The following TNR variants were observed in gnomAD, a reference collection of about 807,000 sequenced individuals.
TNR encodes tenascin R.
A neutral mutation model predicts 150.4 loss-of-function variants in TNR; 45 were observed. The ratio of observed to expected loss-of-function variants is 0.30; its 90% CI spans 0.24 to 0.38. The LOEUF (loss-of-function observed/expected upper bound fraction) is 0.38, where lower values mean the gene tolerates loss of function less well. Among genes scored for constraint, TNR ranks in the 10% least tolerant of loss-of-function variants. TNR has a pLI of 1.00. For missense variants in TNR, 1,544 were observed against 1,759.1 expected (o/e 0.88, Z 2.19); for synonymous variants, 687 against 678.4 (o/e 1.01, Z -0.20).
chr1:175,541,801 C>G (rs1660510184), intron 1 of TNR, among the ~76,000 whole-genome samples: 1 of 152,126 alleles, frequency 6.6e-6, no homozygotes, highest in Non-Finnish European at 1.5e-5. Context: ...CTCTATGAAA[C>G]TGGTAAAGTC....
intron 1 of TNR, among the ~76,000 whole-genome samples, chr1:175,559,116 C>T (rs1661310352): frequency 6.6e-6 from 1 of 152,122 alleles, no homozygotes; most frequent in Non-Finnish European, 1.5e-5. Flanking sequence ...AAAAATTTCA[C>T]TATACAAACA....
rs1039477064 is a variant in TNR at position 175,337,412 on chromosome 1, G to C, written c.3534+116C>G. The stretch of plus-strand genomic sequence containing the variant: ...ATGAGGAGCCCCAAGATGGACATGT[G>C]GGGGGTGATAAAAGGATGGCCAGGA... On this transcript the variant is annotated intron_variant, in intron 19 of 22. Coordinates refer to ENST00000367674, the MANE Select transcript of TNR (RefSeq NM_003285.3). 4.1e-5 allele frequency: 50 copies of C among 1,231,276 alleles called. No individual in the cohort carries two copies. The African/African-American group carries it at 4.6e-4, about 11-fold the overall frequency. The allele number at this position is 1,231,276 out of a possible 1,614,324, so 76.3% of individuals were successfully genotyped here. A position where few individuals can be genotyped will look rare whatever the true frequency, so the allele number is the denominator to read the frequency against.
chr1:175,374,707 T>C (rs1571354247), intron 9 of TNR, among the ~76,000 whole-genome samples: 1 of 152,266 alleles, frequency 6.6e-6, no homozygotes, highest in East Asian at 1.9e-4. Flanking sequence ...GAGATAGAGA[T>C]AGTCCTGGTG....
chr1:175,549,744 C>T (rs542844658), intron 1 of TNR, among the ~76,000 whole-genome samples: 9 of 152,266 alleles, frequency 5.9e-5, no homozygotes, highest in African/African-American at 2.2e-4. Flanking sequence ...CATCAACAGC[C>T]AGCAAAACAA....
At chr1:175,556,894 C>T (rs1468307128) in intron 1 of TNR, 1 of 152,200 alleles carries the variant, frequency 6.6e-6, no homozygotes, top group South Asian at 2.1e-4. Context: ...CTAACCAACA[C>T]CATATAGCAA....
At chr1:175,471,009 C>A (rs542497373) in intron 2 of TNR, among the ~76,000 whole-genome samples, 1 of 152,354 alleles carries the variant, frequency 6.6e-6, no homozygotes, top group South Asian at 2.1e-4. Flanking sequence ...TTAGCTGTTT[C>A]TGCAGGGCGG....
intron 1 of TNR, among the ~76,000 whole-genome samples, chr1:175,658,269 T>C (rs1665253603): frequency 6.6e-6 from 1 of 152,102 alleles, no homozygotes; most frequent in Non-Finnish European, 1.5e-5. Flanking sequence ...CTACTTTCCT[T>C]TGACTTTATG....
intron 1 of TNR, among the ~76,000 whole-genome samples, chr1:175,718,898 G>A (rs570188290): frequency 6.6e-6 from 1 of 152,322 alleles, no homozygotes; most frequent in South Asian, 2.1e-4. Context: ...TGCTGGGCAA[G>A]AGAACTATCC....
chr1:175,417,075 G>GAAAGAA lies in TNR; in HGVS notation c.-63-10299_-63-10298insTTCTTT, dbSNP rs754333098. Among the ~76,000 whole-genome samples, 63 of 138,164 alleles carry GAAAGAA rather than the reference G, an allele frequency of 4.6e-4. 2 individuals carry two copies. The highest frequency in any genetic ancestry group is 4.9e-4 in the Non-Finnish European group (31 of 63,660). 90.6% of individuals were successfully genotyped at this position (138,164 alleles called of 152,430 possible). The stretch of plus-strand genomic sequence containing the variant: ...AGAAAGAAAGAAAGAAAGAAAGAAA[G>GAAAGAA]AAATCTAAGAAGTGGTCTCTTCCCT... On this transcript the variant is annotated intron_variant, in intron 2 of 22. Coordinates refer to ENST00000367674, the MANE Select transcript of TNR (RefSeq NM_003285.3).
chr1:175,639,035 C>A (rs1328906128), intron 1 of TNR, among the ~76,000 whole-genome samples: 1 of 152,172 alleles, frequency 6.6e-6, no homozygotes, highest in African/African-American at 2.4e-5. Flanking sequence ...AGAATATATT[C>A]AAGATTTGAT....
At chr1:175,719,818 TC>T (rs1459714508) in intron 1 of TNR, among the ~76,000 whole-genome samples, 1 of 152,136 alleles carries the variant, frequency 6.6e-6, no homozygotes, top group African/African-American at 2.4e-5. Context: ...CCCTCCCCAT[TC>T]TTCAAACCAG....
In TNR at chr1:175,403,132, C is replaced by T; in HGVS notation, c.976+8G>A. 6.2e-7 allele frequency: 1 copy of T among 1,602,992 alleles called. No individual in the cohort carries two copies. The highest frequency in any genetic ancestry group is 8.5e-7 in the Non-Finnish European group (1 of 1,171,638). ...TTGCCAAACACCCCAGAGAGTTCCC[C>T]TGCCTACCTGCTGAGCAGTCAGGGC... On this transcript the variant is annotated splice_region_variant and intron_variant, in intron 4 of 22. Transcript: ENST00000367674.
At position 175,536,063 on chromosome 1, in the gene TNR, G is replaced by A. The variant is rs531610535; in HGVS notation, c.-164-7694C>T. Among the ~76,000 whole-genome samples the A allele has an allele frequency of 1.9e-4, 29 of 152,216 alleles. No homozygotes were observed. In the East Asian group the frequency reaches 2.7e-3, roughly 14 times the overall value. On this transcript the variant is annotated intron_variant, in intron 1 of 22. Transcript: ENST00000367674. ...CAGAATCACACTAGTTATTAGACCTGCCAGCAGATCTTGTTATTTACTGTG... is the reference window on the plus strand; with the variant it reads ...CAGAATCACACTAGTTATTAGACCTACCAGCAGATCTTGTTATTTACTGTG...
intron 2 of TNR, among the ~76,000 whole-genome samples, chr1:175,504,853 G>T (rs1181208020): frequency 2.6e-5 from 4 of 152,210 alleles, no homozygotes; most frequent in African/African-American, 9.7e-5. Flanking sequence ...ATATGAGCGA[G>T]CCCTACTCTG....
intron 4 of TNR, among the ~76,000 whole-genome samples, chr1:175,400,299 T>C (rs1486394842): frequency 1.3e-5 from 2 of 152,218 alleles, no homozygotes; most frequent in Non-Finnish European, 2.9e-5. Flanking sequence ...AAAAGAGTGC[T>C]AGAAGCTGGT....
intron 1 of TNR, among the ~76,000 whole-genome samples, chr1:175,569,673 T>TG (rs1454746743): frequency 6.6e-6 from 1 of 152,230 alleles, no homozygotes; most frequent in East Asian, 1.9e-4. Flanking sequence ...TAGCACACCA[T>TG]GGCTGAGCTC....
intron 1 of TNR, among the ~76,000 whole-genome samples, chr1:175,560,576 C>G (rs1221070632): frequency 6.6e-6 from 1 of 152,208 alleles, no homozygotes; most frequent in African/African-American, 2.4e-5. Flanking sequence ...TCTCAGTGAA[C>G]CCATGCTAGT....
At position 175,471,615 on chromosome 1, in the gene TNR, A is replaced by G. The variant is rs111535319; in HGVS notation, c.-64+56654T>C. Among the ~76,000 whole-genome samples, 219 of 152,318 alleles carry G rather than the reference A, an allele frequency of 1.4e-3. 1 individual carries two copies. The highest frequency in any genetic ancestry group is 5.0e-3 in the African/African-American group (207 of 41,578). On this transcript the variant is annotated intron_variant, in intron 2 of 22. Coordinates refer to ENST00000367674, the MANE Select transcript of TNR (RefSeq NM_003285.3). ...GGTACATCTATACAGGGCACTTACT[A>G]TGAATGGAGCCTGCATGAGTGTAAG...
At chr1:175,562,036 G>T (rs1661450687) in intron 1 of TNR, among the ~76,000 whole-genome samples, 1 of 152,104 alleles carries the variant, frequency 6.6e-6, no homozygotes, top group South Asian at 2.1e-4. Flanking sequence ...GCCATCACCT[G>T]TGGAAGAAGG....
Sources: allele counts gnomAD v4.1 joint callset (sites outside exome capture counted in the v4.1 genomes callset), GRCh38; gene constraint gnomAD v4.1.1; transcripts MANE v1.5; gene names NCBI Gene and HGNC (gene_info 2026-07-23, HGNC 2026-07-21).